NAB1: variants seen among roughly 807,000 people sequenced by gnomAD.
The protein encoded by NAB1 is NGFI-A binding protein 1.
NAB1 carries 25 observed loss-of-function variants against 49.9 expected under a neutral mutation model. The ratio of observed to expected loss-of-function variants is 0.50; its 90% CI spans 0.37 to 0.70. The LOEUF is 0.70. Among genes scored for constraint, NAB1 ranks in the 30% least tolerant of loss-of-function variants. The pLI, the probability that NAB1 is intolerant of heterozygous loss-of-function variation, is 0.00. For synonymous variants in NAB1, 198 were observed against 215.6 expected, an observed-to-expected ratio of 0.92 and a Z score of 0.71; for missense variants, 489 against 575.9, an observed-to-expected ratio of 0.85 and a Z score of 1.54.
chr2:190,683,364 T>C lies in NAB1; in HGVS notation c.1006-374T>C, dbSNP rs144732792. On this transcript the variant is annotated intron_variant, in intron 6 of 9. Transcript: ENST00000337386. ...CTTTACCATATTGGACAGGCTGGTC[T>C]CGAACTCCTGACCTCAGGTGATCTG... 6.9e-4 allele frequency among the ~76,000 whole-genome samples: 99 copies of C among 143,706 alleles called. 1 individual carries two copies. Among genetic ancestry groups the C allele is most frequent in the African/African-American group, 2.4e-3 (92 of 38,704 alleles). The allele number at this position is 143,706 out of a possible 152,430, so 94.3% of individuals were successfully genotyped here. A position where few individuals can be genotyped will look rare whatever the true frequency, so the allele number is the denominator to read the frequency against.
rs770297006 is a variant in NAB1 at position 190,659,756 on chromosome 2, G to A, written c.580G>A (p.Ala194Thr). The change falls in exon 4 of 10, where the codon GCT (alanine) becomes ACT (threonine). Residue 194 changes from alanine to threonine, a missense_variant. Ala to Thr is a moderately conservative substitution (Grantham distance 58). Coordinates refer to ENST00000337386, the MANE Select transcript of NAB1 (RefSeq NM_005966.4). This position sits in a 1 kb window ranked among gnomAD's most constrained non-coding sequence, Gnocchi z 6.2. ...PKESSEALDA[A>T]AALSVAECVE... ...GGAGAGCAGTGAGGCGCTGGATGCT[G>A]CTGCTGCGCTCTCTGTGGCTGAGTG... is the stretch of plus-strand genomic sequence containing the variant. The A allele has an allele frequency of 6.2e-7, 1 of 1,614,076 alleles. No individual in the cohort carries two copies. The highest frequency in any genetic ancestry group is 8.5e-7 in the Non-Finnish European group (1 of 1,179,960).
chr2:190,671,533 T>G (rs1363702026), intron 5 of NAB1, among the ~76,000 whole-genome samples: 2 of 152,160 alleles, frequency 1.3e-5, no homozygotes, highest in Admixed American at 1.3e-4. Flanking sequence ...ATTCGCTGAT[T>G]TTTAATTTTC....
In NAB1 at chr2:190,654,985, A is replaced by C. The variant is rs893850705; in HGVS notation, c.-196-992A>C. On this transcript the variant is annotated intron_variant, in intron 2 of 9. Coordinates refer to ENST00000337386, the MANE Select transcript of NAB1 (RefSeq NM_005966.4). The surrounding 1 kb of genome is among the most constrained non-coding windows in gnomAD (Gnocchi z 5.6). Reference sequence around the variant, plus strand: ...TGAGAGAATGTACTTGATTTTGGACACATCAAATTTGAGGTTTTGACAATG... The same window carrying C: ...TGAGAGAATGTACTTGATTTTGGACCCATCAAATTTGAGGTTTTGACAATG... 2.0e-5 allele frequency among the ~76,000 whole-genome samples: 3 copies of C among 152,232 alleles called. No homozygotes were observed. The highest frequency in any genetic ancestry group is 7.2e-5 in the African/African-American group (3 of 41,468).
chr2:190,684,488 T>C lies in NAB1; in HGVS notation c.1095+661T>C, dbSNP rs555704056. On this transcript the variant is annotated intron_variant, in intron 7 of 9. Coordinates refer to ENST00000337386, the MANE Select transcript of NAB1 (RefSeq NM_005966.4). The surrounding 1 kb of genome is among the most constrained non-coding windows in gnomAD (Gnocchi z 4.6). ...ATACATTTTTTACCTCAGATATGCT[T>C]ATTTAAATTTTGTCAATTTAGTAAC... Among the ~76,000 whole-genome samples the C allele has an allele frequency of 1.2e-4, 19 of 152,324 alleles. No homozygotes were observed. The highest frequency in any genetic ancestry group is 4.1e-4 in the South Asian group (2 of 4,828).
intron 4 of NAB1, among the ~76,000 whole-genome samples, chr2:190,668,894 A>G (rs1324062451): frequency 6.6e-6 from 1 of 152,224 alleles, no homozygotes; most frequent in East Asian, 1.9e-4. Flanking sequence ...CATACCTATG[A>G]TAAAGTTTAA....
In NAB1 at chr2:190,675,451, A is replaced by G. The variant is rs116436120; in HGVS notation, c.1005+2299A>G. On this transcript the variant is annotated intron_variant, in intron 6 of 9. Transcript: ENST00000337386. The surrounding 1 kb of genome is among the most constrained non-coding windows in gnomAD (Gnocchi z 5.2). ...CTTTCAGTTTCTTATTAGAAGCACAAAGTGTTGGGCTGTAACATTAGATAT... is the reference window on the plus strand; with the variant it reads ...CTTTCAGTTTCTTATTAGAAGCACAGAGTGTTGGGCTGTAACATTAGATAT... 2.0e-5 allele frequency among the ~76,000 whole-genome samples: 3 copies of G among 152,340 alleles called. No individual in the cohort carries two copies. The highest frequency in any genetic ancestry group is 7.2e-5 in the African/African-American group (3 of 41,584).
Position 190,690,242 on chromosome 2 carries a change from TAG to T in NAB1, c.1378_1379del. ...AACTCACTTTGTTTCCATTTTTATG[TAG>T]AGAGCCTTGGGATTTTAAAAGACTA... is the stretch of plus-strand genomic sequence containing the variant. On this transcript the variant is annotated splice_acceptor_variant, in intron 9 of 9. Transcript: ENST00000337386. LOFTEE classifies it high-confidence loss of function. 1 of 1,603,028 alleles carries T rather than the reference TAG, an allele frequency of 6.2e-7. No individual in the cohort carries two copies. Among genetic ancestry groups the T allele is most frequent in the Non-Finnish European group, 8.5e-7 (1 of 1,170,582 alleles).
rs1328497071 is a variant in NAB1 at position 190,663,912 on chromosome 2, T to A, written c.819+3917T>A. On this transcript the variant is annotated intron_variant, in intron 4 of 9. Transcript: ENST00000337386. This position sits in a 1 kb window ranked among gnomAD's most constrained non-coding sequence, Gnocchi z 4.2. Reference sequence around the variant, plus strand: ...TTATTTCCAAATATGAGTAATTTTTTTTCCTTATTTTTCCTAATGATTTCT... The same window carrying A: ...TTATTTCCAAATATGAGTAATTTTTATTCCTTATTTTTCCTAATGATTTCT... Among the ~76,000 whole-genome samples the A allele has an allele frequency of 2.0e-5, 3 of 152,210 alleles. No individual in the cohort carries two copies. Among genetic ancestry groups the A allele is most frequent in the Admixed American group, 1.3e-4 (2 of 15,292 alleles).
chr2:190,683,885 GACT>G (rs1284242629), intron 7 of NAB1, 58 bp downstream of exon 7: 3 of 1,335,266 alleles, frequency 2.2e-6, no homozygotes, highest in Non-Finnish European at 3.2e-6. Context: ...AAAAATAAAT[GACT>G]ACTTCAACTA....
In NAB1 at chr2:190,679,076, C is replaced by G. The variant is rs1695207638; in HGVS notation, c.1006-4662C>G. Among the ~76,000 whole-genome samples the G allele has an allele frequency of 6.6e-6, 1 of 152,232 alleles. No individual in the cohort carries two copies. Among genetic ancestry groups the G allele is most frequent in the Non-Finnish European group, 1.5e-5 (1 of 68,040 alleles). ...CCAGAGTCTCGTCAGCAAGGAAACA[C>G]TGTGATTAATGGCATCAGCCAAAAA... On this transcript the variant is annotated intron_variant, in intron 6 of 9. Coordinates refer to ENST00000337386, the MANE Select transcript of NAB1 (RefSeq NM_005966.4). The surrounding 1 kb of genome is among the most constrained non-coding windows in gnomAD (Gnocchi z 5.3).
intron 2 of NAB1, among the ~76,000 whole-genome samples, 148 bp from the exon 3 acceptor site, chr2:190,655,824 GCTACC>G (rs1259284728): frequency 1.3e-5 from 2 of 152,196 alleles, no homozygotes; most frequent in African/African-American, 2.4e-5. Flanking sequence ...GGTGACTGAT[GCTACC>G]CTGTAAGGAG....
In NAB1 at chr2:190,692,677, T is replaced by C. The variant is rs1183966626; in HGVS notation, c.*2344T>C. Reference sequence around the variant, plus strand: ...GAGTCTCTTACACTTTATTGTGCGATGTCCACGTTTTTGTGACTCTTCAAG... The same window carrying C: ...GAGTCTCTTACACTTTATTGTGCGACGTCCACGTTTTTGTGACTCTTCAAG... On this transcript the variant is annotated 3_prime_UTR_variant, in exon 10 of 10. Coordinates refer to ENST00000337386, the MANE Select transcript of NAB1 (RefSeq NM_005966.4). This position sits in a 1 kb window ranked among gnomAD's most constrained non-coding sequence, Gnocchi z 5.2. 1 of 152,674 alleles carries C rather than the reference T, an allele frequency of 6.5e-6. No homozygotes were observed. Among genetic ancestry groups the C allele is most frequent in the African/African-American group, 2.4e-5 (1 of 41,464 alleles). The allele number at this position is 152,674 out of a possible 1,614,324, so 9.5% of individuals were successfully genotyped here. A position where few individuals can be genotyped will look rare whatever the true frequency, so the allele number is the denominator to read the frequency against.
chr2:190,676,645 T>C lies in NAB1; in HGVS notation c.1005+3493T>C, dbSNP rs1695087082. On this transcript the variant is annotated intron_variant, in intron 6 of 9. Coordinates refer to ENST00000337386, the MANE Select transcript of NAB1 (RefSeq NM_005966.4). This position sits in a 1 kb window ranked among gnomAD's most constrained non-coding sequence, Gnocchi z 4.6. ...TGAGGTGGGAGAATCACTGCCCCAC[T>C]GCACTCCAGCCCGGGCAACAGAGCA... Among the ~76,000 whole-genome samples the C allele has an allele frequency of 6.6e-6, 1 of 152,092 alleles. No homozygotes were observed. Among genetic ancestry groups the C allele is most frequent in the African/African-American group, 2.4e-5 (1 of 41,398 alleles).
At position 190,667,004 on chromosome 2, in the gene NAB1, C is replaced by T. The variant is rs1311733155; in HGVS notation, c.820-3322C>T. 2.0e-5 allele frequency among the ~76,000 whole-genome samples: 3 copies of T among 152,164 alleles called. No homozygotes were observed. Among genetic ancestry groups the T allele is most frequent in the Non-Finnish European group, 4.4e-5 (3 of 68,032 alleles). Reference sequence around the variant, plus strand: ...TATTAGCAGCTAGGGAGCATGAAATCTAGGTAACTCTGACAGAACACGTGT... The same window carrying T: ...TATTAGCAGCTAGGGAGCATGAAATTTAGGTAACTCTGACAGAACACGTGT... On this transcript the variant is annotated intron_variant, in intron 4 of 9. Coordinates refer to ENST00000337386, the MANE Select transcript of NAB1 (RefSeq NM_005966.4). This position sits in a 1 kb window ranked among gnomAD's most constrained non-coding sequence, Gnocchi z 4.4.
At chr2:190,660,181 TTTGTA>T (rs797011989) in intron 4 of NAB1, among the ~76,000 whole-genome samples, 186 bp downstream of exon 4, 33 of 152,364 alleles carry the variant, frequency 2.2e-4, no homozygotes, top group African/African-American at 7.9e-4. Context: ...TCAGGGTATA[TTTGTA>T]TTGAACTTGA....
chr2:190,671,018 G>C (rs959935115), intron 5 of NAB1, among the ~76,000 whole-genome samples: 1 of 152,198 alleles, frequency 6.6e-6, no homozygotes, highest in Non-Finnish European at 1.5e-5. Context: ...TGTAAACACA[G>C]CATATTTTTC....
At chr2:190,688,498 G>A (rs1217572301) in intron 9 of NAB1, among the ~76,000 whole-genome samples, 3 of 152,046 alleles carry the variant, frequency 2.0e-5, no homozygotes, top group Non-Finnish European at 4.4e-5. Flanking sequence ...CTAAAAAGAT[G>A]ACATCCTGGT....
rs1319154566 is a variant in NAB1 at position 190,654,895 on chromosome 2, T to A, written c.-196-1082T>A. The stretch of plus-strand genomic sequence containing the variant: ...ATCCGGGAAACTGAAAGACCAATGG[T>A]GCAACTGAAAGAACTAAGAGAGTTG... On this transcript the variant is annotated intron_variant, in intron 2 of 9. Transcript: ENST00000337386. The surrounding 1 kb of genome is among the most constrained non-coding windows in gnomAD (Gnocchi z 5.6). Among the ~76,000 whole-genome samples the A allele has an allele frequency of 6.6e-6, 1 of 152,090 alleles. No homozygotes were observed. The highest frequency in any genetic ancestry group is 2.4e-5 in the African/African-American group (1 of 41,414).
Position 190,677,593 on chromosome 2 carries a change from G to A in NAB1, c.1005+4441G>A, listed in dbSNP as rs554561460. The A allele has an allele frequency of 6.6e-6, 1 of 152,122 alleles. No homozygotes were observed. The highest frequency in any genetic ancestry group is 1.5e-5 in the Non-Finnish European group (1 of 68,014). The allele number at this position is 152,122 out of a possible 1,614,324, so 9.4% of individuals were successfully genotyped here. A position where few individuals can be genotyped will look rare whatever the true frequency, so the allele number is the denominator to read the frequency against. ...TCTAATTAAATCTTCTCATTCTGGGGCAATTGTAAAAATCGCTACTTTGTA... is the reference window on the plus strand; with the variant it reads ...TCTAATTAAATCTTCTCATTCTGGGACAATTGTAAAAATCGCTACTTTGTA... On this transcript the variant is annotated intron_variant, in intron 6 of 9. Coordinates refer to ENST00000337386, the MANE Select transcript of NAB1 (RefSeq NM_005966.4). The surrounding 1 kb of genome is among the most constrained non-coding windows in gnomAD (Gnocchi z 5.6).
Sources: gnomAD v4.1 joint callset for allele counts (sites outside exome capture counted in the v4.1 genomes callset) on GRCh38, gnomAD v4.1.1 for gene constraint, Gnocchi (gnomAD v3.1) non-coding constraint, MANE v1.5 for transcripts, NCBI Gene and HGNC (gene_info 2026-07-23, HGNC 2026-07-21) for gene names.